BCAP29: variants seen among roughly 807,000 people sequenced by gnomAD.
BCAP29 encodes B-cell receptor-associated protein 29.
BCAP29 carries 34 observed loss-of-function variants against 31.8 expected under a neutral mutation model. The ratio of observed to expected loss-of-function variants is 1.07; its 90% confidence interval spans 0.81 to 1.42. The LOEUF is 1.42. BCAP29 is among the 40% of genes most tolerant of loss of function. The probability of loss-of-function intolerance (pLI) is 0.00; values close to 1 mark genes in which losing one functional copy is unlikely to be tolerated. For synonymous variants in BCAP29, 104 were observed against 91.3 expected (o/e 1.14, Z -0.79); for missense variants, 314 against 269.2 (o/e 1.17, Z -1.16).
chr7:107,611,052 G>A (rs993685707), intron 6 of BCAP29, among the ~76,000 whole-genome samples: 4 of 152,132 alleles, frequency 2.6e-5, no homozygotes, highest in African/African-American at 9.7e-5. Flanking sequence ...GTGATTCGTA[G>A]ATGGTACCAT....
At chr7:107,608,846 A>C (rs1812637252) in intron 6 of BCAP29, among the ~76,000 whole-genome samples, 1 of 152,218 alleles carries the variant, frequency 6.6e-6, no homozygotes, top group South Asian at 2.1e-4. Context: ...GTTTACACAC[A>C]AGTGAATTTT....
chr7:107,598,919 ACACACACACACACG>A (rs1211749767), intron 5 of BCAP29, among the ~76,000 whole-genome samples: 17 of 105,224 alleles, frequency 1.6e-4, no homozygotes, highest in Admixed American at 4.3e-4. Context: ...ACACACACAC[ACACACACACACACG>A]CACGCACATA....
chr7:107,581,690 A>T (rs1034002445), intron 2 of BCAP29, among the ~76,000 whole-genome samples: 6 of 152,218 alleles, frequency 3.9e-5, no homozygotes, highest in African/African-American at 1.4e-4. Flanking sequence ...AGTGTATTAA[A>T]ATCCCAGGAC....
intron 1 of BCAP29, 137 bp downstream of exon 1, chr7:107,580,438 C>CCCG: frequency 3.8e-6 from 1 of 262,008 alleles, no homozygotes. Context: ...TGGTCGAGGG[C>CCCG]CCGCGGCGCC....
Position 107,595,853 on chromosome 7 carries a change from G to GT in BCAP29, c.345-6dup, listed in dbSNP as rs1327263699. ...GATTGGCCAGTAATACATTATTCTGGTTTTTTTTCTTAGAGTTTTGAGACG... is the reference window on the plus strand; with the variant it reads ...GATTGGCCAGTAATACATTATTCTGGTTTTTTTTTCTTAGAGTTTTGAGACG... On this transcript the variant is annotated splice_polypyrimidine_tract_variant and intron_variant, in intron 4 of 7. Transcript: ENST00000005259. 2.1e-5 allele frequency: 33 copies of GT among 1,589,010 alleles called. No individual in the cohort carries two copies. The highest frequency in any genetic ancestry group is 5.7e-5 in the Admixed American group (3 of 52,574).
chr7:107,583,317 G>T (rs924801138), intron 2 of BCAP29, among the ~76,000 whole-genome samples: 1 of 149,240 alleles, frequency 6.7e-6, no homozygotes, highest in Non-Finnish European at 1.5e-5. Flanking sequence ...TATATATATA[G>T]TGTGTGTGTG....
rs980733285 is a variant in BCAP29, at chr7:107,619,520, A to G, written c.*1157A>G. 2.6e-5 allele frequency: 4 copies of G among 152,156 alleles called. No homozygotes were observed. The highest frequency in any genetic ancestry group is 5.9e-5 in the Non-Finnish European group (4 of 67,996). The allele number at this position is 152,156 out of a possible 1,614,324, so 9.4% of individuals were successfully genotyped here. On this transcript the variant is annotated 3_prime_UTR_variant, in exon 8 of 8. Coordinates refer to ENST00000005259, the MANE Select transcript of BCAP29 (RefSeq NM_018844.4). ...TAATTTTAGCACCAACTTCACACCT[A>G]GCTAATTTTTTTCATCATAAAGTGG...
intron 4 of BCAP29, among the ~76,000 whole-genome samples, chr7:107,594,993 A>T (rs1809557446): frequency 6.6e-6 from 1 of 152,022 alleles, no homozygotes; most frequent in African/African-American, 2.4e-5. Context: ...GACCTTCACC[A>T]TTTATTCATT....
chr7:107,608,628 AT>A (rs1812594258), intron 6 of BCAP29, among the ~76,000 whole-genome samples: 1 of 151,794 alleles, frequency 6.6e-6, no homozygotes, highest in African/African-American at 2.4e-5. Context: ...ATTTATTTAT[AT>A]TTTATTTTTG....
At position 107,610,304 on chromosome 7, in the gene BCAP29, C is replaced by T. The variant is rs184545059; in HGVS notation, c.590-3028C>T. Among the ~76,000 whole-genome samples, 58 of 152,248 alleles carry T rather than the reference C, an allele frequency of 3.8e-4. No homozygotes were observed. In the East Asian group the frequency reaches 7.9e-3, roughly 21 times the overall value. ...AAGCCACTGGCAAGTGATAGCAGCCCGTTTTTGCAGTTAAGAAAATTGCAG... is the reference window on the plus strand; with the variant it reads ...AAGCCACTGGCAAGTGATAGCAGCCTGTTTTTGCAGTTAAGAAAATTGCAG... On this transcript the variant is annotated intron_variant, in intron 6 of 7. Coordinates refer to ENST00000005259, the MANE Select transcript of BCAP29 (RefSeq NM_018844.4).
chr7:107,606,543 A>G lies in BCAP29; in HGVS notation c.589+6038A>G, dbSNP rs186892996. On this transcript the variant is annotated intron_variant, in intron 6 of 7. Transcript: ENST00000005259. The stretch of plus-strand genomic sequence containing the variant: ...GGACAGGATCTGGCAGGTTTTATGC[A>G]TCTGTTAGCTCACAACACAAGTGTG... 3.9e-4 allele frequency among the ~76,000 whole-genome samples: 59 copies of G among 152,320 alleles called. No individual in the cohort carries two copies. In the East Asian group the frequency reaches 8.3e-3, roughly 21 times the overall value.
At chr7:107,602,015 A>AT (rs1408915725) in intron 6 of BCAP29, among the ~76,000 whole-genome samples, 2 of 152,224 alleles carry the variant, frequency 1.3e-5, no homozygotes, top group Non-Finnish European at 2.9e-5. Flanking sequence ...TTAACTTAGT[A>AT]TTACATGAGC....
intron 3 of BCAP29, among the ~76,000 whole-genome samples, chr7:107,589,699 A>G (rs750402792): frequency 4.6e-5 from 7 of 152,232 alleles, no homozygotes; most frequent in Non-Finnish European, 8.8e-5. Flanking sequence ...GCAAGGGCAC[A>G]TGAATATACT....
At chr7:107,599,179 A>ATACAT (rs1810493376) in intron 5 of BCAP29, among the ~76,000 whole-genome samples, 2 of 92,476 alleles carry the variant, frequency 2.2e-5, no homozygotes, top group African/African-American at 4.4e-5. Context: ...AAATATATTA[A>ATACAT]AATTTATATG....
chr7:107,622,325 G>A (rs17154251), downstream of BCAP29: 3,517 of 158,692 alleles, frequency 0.022, 134 homozygotes, highest in African/African-American at 0.08. Context: ...CTGCAGTTAA[G>A]ATCAAACCAC....
rs530012355 is a variant in BCAP29 at position 107,615,550 on chromosome 7, C to T, written c.690+2118C>T. On this transcript the variant is annotated intron_variant, in intron 7 of 7. Coordinates refer to ENST00000005259, the MANE Select transcript of BCAP29 (RefSeq NM_018844.4). ...GGCAGAGGTTGCAGTGAGCCGAGAT[C>T]GCGCTTTTGCACTCCAGCCTGGGTG... is the stretch of plus-strand genomic sequence containing the variant. The T allele has an allele frequency of 7.5e-5, 22 of 293,648 alleles. 2 individuals carry two copies. The highest frequency in any genetic ancestry group is 6.9e-4 in the South Asian group (21 of 30,464). 18.2% of individuals were successfully genotyped at this position (293,648 alleles called of 1,614,324 possible).
chr7:107,595,661 G>T (rs1466173455), intron 4 of BCAP29, among the ~76,000 whole-genome samples: 1 of 152,024 alleles, frequency 6.6e-6, no homozygotes, highest in African/African-American at 2.4e-5. Context: ...TCTAAATGCT[G>T]GTCTTCTAAC....
chr7:107,597,830 A>C (rs757409195), intron 5 of BCAP29, among the ~76,000 whole-genome samples: 4 of 152,204 alleles, frequency 2.6e-5, no homozygotes, highest in Non-Finnish European at 4.4e-5. Context: ...TTCTGTTCTG[A>C]TATTCAGTTA....
intron 6 of BCAP29, 131 bp downstream of exon 6, chr7:107,600,636 A>C (rs1006234573): frequency 5.5e-6 from 3 of 544,908 alleles, no homozygotes; most frequent in Middle Eastern, 9.7e-4. Flanking sequence ...CCTATTTATA[A>C]ATTCTTGTTC....
Sources: allele counts gnomAD v4.1 joint callset (sites outside exome capture counted in the v4.1 genomes callset), GRCh38; gene constraint gnomAD v4.1.1; transcripts MANE v1.5; gene names NCBI Gene and HGNC (gene_info 2026-07-23, HGNC 2026-07-21).